Variants in RPL13 observed in about 807,000 individuals in gnomAD.
The protein encoded by RPL13 is large ribosomal subunit protein eL13.
Under a neutral mutation model 21.4 loss-of-function variants are expected in RPL13, and 1 was observed. The observed-to-expected ratio is 0.05, with a 90% CI of 0.02 to 0.22. The LOEUF is 0.22. Among genes scored for constraint, RPL13 ranks in the 10% least tolerant of loss-of-function variants. The pLI is 1.00. For synonymous variants in RPL13, 143 were observed against 120.5 expected (o/e 1.19, Z -1.23); for missense variants, 289 against 303.0 (o/e 0.95, Z 0.34).
intron 4 of RPL13, 48 bp downstream of exon 4, chr16:89,561,799 C>G: frequency 6.3e-7 from 1 of 1,587,132 alleles, no homozygotes; most frequent in Non-Finnish European, 8.6e-7. Flanking sequence ...GACAGTGAGG[C>G]TTGGCTCCTT....
In RPL13 at chr16:89,562,822, C is replaced by T. The variant is rs779889475; in HGVS notation, c.478-62C>T. The T allele has an allele frequency of 2.3e-4, 334 of 1,459,208 alleles. 1 individual carries two copies. The highest frequency in any genetic ancestry group is 2.9e-4 in the Non-Finnish European group (324 of 1,105,140). 90.4% of individuals were successfully genotyped at this position (1,459,208 alleles called of 1,614,324 possible). ...CGGGAGGTCCTCCAGGTTCTCCTGA[C>T]GCTTGGTTGTTCCCTTGCCCTTTGG... On this transcript the variant is annotated intron_variant, in intron 5 of 5. Coordinates refer to ENST00000311528, the MANE Select transcript of RPL13 (RefSeq NM_000977.4).
rs1295830569 is a variant in RPL13 at position 89,563,339 on chromosome 16, T to TTAAGA, written c.*297_*298insTAAGA. ...TCTTTTTAAAGAGGCAAGGTTGGGC[T>TTAAGA]GGTGCTCACAGCTGTAATCCCAGCA... On this transcript the variant is annotated 3_prime_UTR_variant, in exon 6 of 6. Coordinates refer to ENST00000311528, the MANE Select transcript of RPL13 (RefSeq NM_000977.4). 277 of 200,734 alleles carry TTAAGA rather than the reference T, an allele frequency of 1.4e-3. 5 individuals carry two copies. The highest frequency in any genetic ancestry group is 6.2e-3 in the African/African-American group (267 of 43,378). The allele number at this position is 200,734 out of a possible 1,614,324, so 12.4% of individuals were successfully genotyped here.
Position 89,561,051 on chromosome 16 carries a change from G to T in RPL13, c.92G>T (p.Arg31Leu), listed in dbSNP as rs373447378. 3.1e-6 allele frequency: 5 copies of T among 1,606,354 alleles called. No individual in the cohort carries two copies. The Admixed American group carries it at 5.0e-5, about 16-fold the overall frequency. The change falls in exon 2 of 6, where the codon CGT (arginine) becomes CTT (leucine). Residue 31 changes from arginine (R) to leucine (L), a missense_variant. Transcript: ENST00000311528. ...GCCACGTGGTTCAACCAGCCGGCCC[G>T]TAAGATCCGCAGGTGAGCCCTGCGC... is the stretch of plus-strand genomic sequence containing the variant. Reference protein sequence around the residue: ...RVATWFNQPARKIRRRKARQA... With the variant: ...RVATWFNQPALKIRRRKARQA...
At chr16:89,562,660 TGC>T (rs2058754108) in intron 5 of RPL13, 2 of 577,862 alleles carry the variant, frequency 3.5e-6, no homozygotes, top group Admixed American at 3.8e-5. Context: ...GGTTTTGAAT[TGC>T]TGGGTTTACA....
chr16:89,560,770 T>G (rs550575617), intron 1 of RPL13, 58 bp downstream of exon 1: 70 of 531,884 alleles, frequency 1.3e-4, no homozygotes, highest in African/African-American at 1.3e-3. Flanking sequence ...GCCTGGCGCT[T>G]CAGCCAACGC....
At chr16:89,562,777 C>T (rs895801799) in intron 5 of RPL13, 107 bp from the exon 6 acceptor site, 6 of 1,215,712 alleles carry the variant, frequency 4.9e-6, no homozygotes, top group East Asian at 5.5e-5. Flanking sequence ...CTTATGGCAG[C>T]GAACCTGACC....
rs2058765051 is a variant in RPL13, at chr16:89,564,051, CT to C, written c.*1010del. 1 of 152,234 alleles carries C rather than the reference CT, an allele frequency of 6.6e-6. No individual in the cohort carries two copies. Among genetic ancestry groups the C allele is most frequent in the Non-Finnish European group, 1.5e-5 (1 of 68,054 alleles). The allele number at this position is 152,234 out of a possible 1,614,324, so 9.4% of individuals were successfully genotyped here. Reference sequence around the variant, plus strand: ...GGGCAGCATGGTTTCTCGTGCAGTGCTCAGACACAGCCTGCCCTAGTCCTAC... The same window carrying C: ...GGGCAGCATGGTTTCTCGTGCAGTGCCAGACACAGCCTGCCCTAGTCCTAC... On this transcript the variant is annotated 3_prime_UTR_variant, in exon 6 of 6. Coordinates refer to ENST00000311528, the MANE Select transcript of RPL13 (RefSeq NM_000977.4).
rs1422140175 is a variant in RPL13, at chr16:89,564,530, A to T, written c.*1488A>T. The T allele has an allele frequency of 6.6e-6, 1 of 151,798 alleles. No individual in the cohort carries two copies. 9.4% of individuals were successfully genotyped at this position (151,798 alleles called of 1,614,324 possible). A position where few individuals can be genotyped will look rare whatever the true frequency, so the allele number is the denominator to read the frequency against. ...CATCTCTACTGAAAATACAAAAATT[A>T]GCTGAGTGGTGACACACGCCTGTAA... On this transcript the variant is annotated 3_prime_UTR_variant, in exon 6 of 6. Coordinates refer to ENST00000311528, the MANE Select transcript of RPL13 (RefSeq NM_000977.4).
downstream of RPL13, chr16:89,565,849 C>T (rs1326969730): frequency 6.6e-6 from 1 of 152,272 alleles, no homozygotes; most frequent in Non-Finnish European, 1.5e-5. Flanking sequence ...GGCAAAGCGG[C>T]TCTGGGAACA....
At chr16:89,564,636 G>A (rs537863823), downstream of RPL13, 116 of 152,394 alleles carry the variant, frequency 7.6e-4, no homozygotes, top group African/African-American at 2.5e-3. Context: ...CAGCCTGGGT[G>A]ACAGCGAGAC....
At chr16:89,561,528 G>C in intron 3 of RPL13, 50 bp from the exon 4 acceptor site, 1 of 1,612,996 alleles carries the variant, frequency 6.2e-7, no homozygotes, top group East Asian at 2.2e-5. Context: ...CAGGCCTCGG[G>C]GCTGGAGAAA....
chr16:89,566,210 T>C (rs2058788899), downstream of RPL13: 1 of 151,504 alleles, frequency 6.6e-6, no homozygotes, highest in African/African-American at 2.4e-5. Flanking sequence ...GCAGAACTGA[T>C]CGGGGATAGT....
chr16:89,561,151 C>T, intron 2 of RPL13, 76 bp from the exon 3 acceptor site: 1 of 1,509,318 alleles, frequency 6.6e-7, no homozygotes, highest in South Asian at 1.3e-5. Flanking sequence ...GCGGGGGGCG[C>T]TGTCTGCAAC....
chr16:89,560,965 G>A lies in RPL13; in HGVS notation c.6G>A (p.Ala2=), dbSNP rs1368726424. The change falls in exon 2 of 6, where the codon GCG becomes GCA. Residue 2 remains alanine, a synonymous_variant. Transcript: ENST00000311528. M[A]PSRNGMVLKP... ...CCGCAGGGCCGTAGGCAGCCATGGC[G>A]CCCAGCCGGAATGGCATGGTCTTGA... 8.1e-6 allele frequency: 13 copies of A among 1,603,282 alleles called. 1 individual carries two copies. The highest frequency in any genetic ancestry group is 6.8e-5 in the East Asian group (3 of 44,118).
chr16:89,565,440 ACACT>A (rs1401007406), downstream of RPL13: 1 of 152,200 alleles, frequency 6.6e-6, no homozygotes, highest in East Asian at 1.9e-4. Flanking sequence ...CTCCCTGCTG[ACACT>A]CAGTCCTTGT....
Position 89,564,348 on chromosome 16 carries a change from G to A in RPL13, c.*1306G>A, listed in dbSNP as rs2058767496. ...ATGACTTGCAGGCTGTTGGCTACCA[G>A]TTTCCTGTCTGAGGTGTATATGTTA... On this transcript the variant is annotated 3_prime_UTR_variant, in exon 6 of 6. Transcript: ENST00000311528. The A allele has an allele frequency of 6.6e-6, 1 of 152,180 alleles. No individual in the cohort carries two copies. The highest frequency in any genetic ancestry group is 2.4e-5 in the African/African-American group (1 of 41,438). The allele number at this position is 152,180 out of a possible 1,614,324, so 9.4% of individuals were successfully genotyped here.
chr16:89,561,802 G>C (rs764546200), intron 4 of RPL13, 51 bp downstream of exon 4: 2 of 1,586,316 alleles, frequency 1.3e-6, no homozygotes, highest in Non-Finnish European at 8.6e-7. Context: ...AGTGAGGCTT[G>C]GCTCCTTTAT....
intron 4 of RPL13, 44 bp from the exon 5 acceptor site, chr16:89,562,291 A>G: frequency 6.3e-7 from 1 of 1,597,748 alleles, no homozygotes; most frequent in Non-Finnish European, 8.6e-7. Flanking sequence ...GAGTCCTTGC[A>G]GCAGTGCGGC....
At chr16:89,566,136 C>T (rs1386194387), downstream of RPL13, 1 of 145,058 alleles carries the variant, frequency 6.9e-6, no homozygotes, top group Non-Finnish European at 1.5e-5. Flanking sequence ...CAGCCTCCCA[C>T]AGTGGGTGGG....
Sources: gnomAD v4.1 joint callset for allele counts on GRCh38, gnomAD v4.1.1 for gene constraint, MANE v1.5 for transcripts, NCBI Gene and HGNC (gene_info 2026-07-23, HGNC 2026-07-21) for gene names.